The following LRBA variants were observed in gnomAD, a reference collection of about 807,000 sequenced individuals.
LRBA encodes LPS responsive beige-like anchor protein, also known as lipopolysaccharide-responsive and beige-like anchor protein.
In LRBA, 176 loss-of-function variants were observed where a neutral mutation model predicts 330.0. The ratio of observed to expected loss-of-function variants is 0.53; its 90% CI spans 0.47 to 0.60. LRBA has a LOEUF of 0.60. LRBA is among the 20% of genes least tolerant of loss of function. The pLI is 0.00. For missense variants in LRBA, 3,259 were observed against 3,444.8 expected (o/e 0.95, Z 1.35); for synonymous variants, 1,230 against 1,193.0 (o/e 1.03, Z -0.64).
At chr4:150,906,054 T>C in intron 12 of LRBA, 64 bp from the exon 13 acceptor site, 2 of 1,415,134 alleles carry the variant, frequency 1.4e-6, no homozygotes, top group Non-Finnish European at 2.0e-6. Flanking sequence ...TTACAGGCTG[T>C]CCCTACCAGG....
chr4:150,599,123 A>T lies in LRBA; in HGVS notation c.5930T>A (p.Leu1977His). ...AWGNSAVSRP[L>H]EFWRLDYWED... ...CCAGTAGTCAAGGCGCCAGAACTCA[A>T]GAGGACGACTACAATGAAACAGAGA... The change falls in exon 38 of 57, where the codon CTT (leucine) becomes CAT (histidine). Residue 1977 changes from leucine to histidine, a missense_variant. Physicochemically the swap from Leu to His is moderately conservative, Grantham distance 99 (BLOSUM62 -3). Coordinates refer to ENST00000651943, the MANE Select transcript of LRBA (RefSeq NM_001364905.1). 1 of 1,614,082 alleles carries T rather than the reference A, an allele frequency of 6.2e-7. No individual in the cohort carries two copies.
At chr4:150,867,620 A>G in intron 22 of LRBA, 51 bp downstream of exon 22, 1 of 1,432,228 alleles carries the variant, frequency 7.0e-7, no homozygotes, top group Non-Finnish European at 9.3e-7. Flanking sequence ...CTAAAATTCA[A>G]AAATTATAGA....
At chr4:150,340,095 A>G (rs1010055125) in intron 48 of LRBA, among the ~76,000 whole-genome samples, 1 of 152,024 alleles carries the variant, frequency 6.6e-6, no homozygotes, top group African/African-American at 2.4e-5. Context: ...GCAAAGAAGG[A>G]TATGTTTGCT....
intron 35 of LRBA, among the ~76,000 whole-genome samples, chr4:150,751,635 T>A (rs559768309): frequency 1.3e-5 from 2 of 152,264 alleles, no homozygotes; most frequent in African/African-American, 4.8e-5. Context: ...GTAGATTAAA[T>A]GTCTAAATGC....
At chr4:150,564,752 T>C (rs926822610) in intron 40 of LRBA, among the ~76,000 whole-genome samples, 3 of 152,144 alleles carry the variant, frequency 2.0e-5, no homozygotes, top group African/African-American at 4.8e-5. Context: ...CAAAAGAAGA[T>C]ATGTATGTGG....
At chr4:150,435,751 A>T in intron 45 of LRBA, 43 bp from the exon 46 acceptor site, 2 of 1,528,532 alleles carry the variant, frequency 1.3e-6, no homozygotes, top group Non-Finnish European at 1.8e-6. Context: ...TCCCTCAGGC[A>T]TAAAAATGTG....
chr4:150,699,116 G>C (rs895200124), intron 36 of LRBA, among the ~76,000 whole-genome samples: 2 of 152,168 alleles, frequency 1.3e-5, no homozygotes, highest in African/African-American at 4.8e-5. Flanking sequence ...GAAAAAGCAA[G>C]ATTCTTCTCT....
chr4:150,620,812 G>A (rs1776218584), intron 37 of LRBA, among the ~76,000 whole-genome samples: 1 of 152,128 alleles, frequency 6.6e-6, no homozygotes, highest in Admixed American at 6.5e-5. Flanking sequence ...AGAAGGGGTA[G>A]GACCAGTGGA....
chr4:150,721,439 T>C (rs200600218), intron 36 of LRBA: 38 of 296,336 alleles, frequency 1.3e-4, no homozygotes, highest in Non-Finnish European at 2.1e-4. Context: ...AGGTCTATAA[T>C]AAAGAAAACC....
intron 37 of LRBA, among the ~76,000 whole-genome samples, chr4:150,667,279 T>G (rs995699174): frequency 6.6e-6 from 1 of 152,144 alleles, no homozygotes; most frequent in South Asian, 2.1e-4. Flanking sequence ...GAGGGCATTA[T>G]CCAGGATTAA....
intron 31 of LRBA, among the ~76,000 whole-genome samples, chr4:150,813,368 A>T (rs1744073536): frequency 6.6e-6 from 1 of 152,064 alleles, no homozygotes; most frequent in Non-Finnish European, 1.5e-5. Flanking sequence ...ATTAATTAGA[A>T]GATACAATTG....
chr4:150,987,977 G>C (rs1346384802), intron 2 of LRBA, among the ~76,000 whole-genome samples: 5 of 150,654 alleles, frequency 3.3e-5, no homozygotes, highest in Admixed American at 6.6e-5. Context: ...ACTACAGCCT[G>C]GGTGACAGAG....
chr4:150,787,382 G>A (rs1404880200), intron 34 of LRBA, among the ~76,000 whole-genome samples: 1 of 152,186 alleles, frequency 6.6e-6, no homozygotes, highest in East Asian at 1.9e-4. Flanking sequence ...TCGTAAAAAT[G>A]TAATTTTTAA....
chr4:150,765,207 T>G (rs1037568457), intron 34 of LRBA, among the ~76,000 whole-genome samples: 2 of 152,078 alleles, frequency 1.3e-5, no homozygotes, highest in Non-Finnish European at 2.9e-5. Context: ...TATGACATTT[T>G]GGAAAAGGCA....
chr4:150,889,286 T>C (rs1729235716), intron 17 of LRBA, among the ~76,000 whole-genome samples: 1 of 22,954 alleles, frequency 4.4e-5, no homozygotes, highest in African/African-American at 8.1e-5. Context: ...GATTTGATTT[T>C]CCACAAAAAA....
At chr4:150,872,785 T>G in intron 17 of LRBA, 30 bp from the exon 18 acceptor site, 1 of 1,149,570 alleles carries the variant, frequency 8.7e-7, no homozygotes, top group Non-Finnish European at 1.3e-6. Flanking sequence ...AAACAAACTA[T>G]TTTGAGTATA....
intron 34 of LRBA, among the ~76,000 whole-genome samples, chr4:150,767,197 T>C (rs1420426449): frequency 6.6e-6 from 1 of 152,214 alleles, no homozygotes; most frequent in African/African-American, 2.4e-5. Flanking sequence ...ATTCAAATTA[T>C]TGTAATAAAA....
intron 37 of LRBA, among the ~76,000 whole-genome samples, chr4:150,658,533 C>G (rs1224524853): frequency 0.53 from 77 of 146 alleles, 6 homozygotes; most frequent in African/African-American, 0.54. Flanking sequence ...CTCTCCCTCT[C>G]CCTCTCCCTC....
chr4:150,696,549 T>G (rs1038153628), intron 36 of LRBA, among the ~76,000 whole-genome samples: 7 of 152,248 alleles, frequency 4.6e-5, no homozygotes, highest in African/African-American at 1.7e-4. Flanking sequence ...GTAGGCTTAA[T>G]TGTGATGTTA....
Sources: gnomAD v4.1 joint callset for allele counts (sites outside exome capture counted in the v4.1 genomes callset) on GRCh38, gnomAD v4.1.1 for gene constraint, MANE v1.5 for transcripts, NCBI Gene and HGNC (gene_info 2026-07-23, HGNC 2026-07-21) for gene names.